The following LAMA2 variants were observed in gnomAD, a reference collection of about 807,000 sequenced individuals.
LAMA2 encodes the protein laminin subunit alpha-2.
A neutral mutation model predicts 364.8 loss-of-function variants in LAMA2; 269 were observed. That is an observed-to-expected ratio of 0.74 (90% confidence interval 0.67 to 0.82). The LOEUF (loss-of-function observed/expected upper bound fraction) is 0.82, where lower values mean the gene tolerates loss of function less well. LAMA2 is among the 40% of genes least tolerant of loss of function. The probability of loss-of-function intolerance (pLI) is 0.00; values close to 1 mark genes in which losing one functional copy is unlikely to be tolerated. For synonymous variants in LAMA2, 1,379 were observed against 1,370.6 expected (o/e 1.01, Z -0.14); for missense variants, 3,807 against 3,873.2 (o/e 0.98, Z 0.45).
intron 1 of LAMA2, among the ~76,000 whole-genome samples, chr6:129,017,687 C>T (rs554628703): frequency 6.6e-6 from 1 of 152,148 alleles, no homozygotes; most frequent in South Asian, 2.1e-4. Context: ...CTGATGATAA[C>T]ATGTGATAGG....
chr6:129,238,556 T>C (rs2115149475), intron 12 of LAMA2, among the ~76,000 whole-genome samples: 1 of 123,482 alleles, frequency 8.1e-6, no homozygotes, highest in South Asian at 2.4e-4. Flanking sequence ...AGCGTGTTCA[T>C]GTGTGTGTGT....
intron 40 of LAMA2, among the ~76,000 whole-genome samples, chr6:129,421,022 G>C (rs1243773095): frequency 1.3e-5 from 2 of 152,054 alleles, no homozygotes; most frequent in East Asian, 1.9e-4. Flanking sequence ...AAGTTTTGTT[G>C]GGTAAATAAA....
intron 12 of LAMA2, among the ~76,000 whole-genome samples, chr6:129,244,071 A>G (rs1267537130): frequency 2.6e-5 from 4 of 152,100 alleles, no homozygotes; most frequent in African/African-American, 9.7e-5. Context: ...TTCTAAACCA[A>G]CTTTTCTAGA....
At chr6:129,221,112 A>G (rs919531739) in intron 12 of LAMA2, among the ~76,000 whole-genome samples, 22 of 151,488 alleles carry the variant, frequency 1.5e-4, no homozygotes, top group African/African-American at 4.8e-4. Context: ...GCAGTGAGCC[A>G]AGATCACACC....
At chr6:129,071,905 A>G (rs1368589366) in intron 3 of LAMA2, among the ~76,000 whole-genome samples, 1 of 152,208 alleles carries the variant, frequency 6.6e-6, no homozygotes, top group East Asian at 1.9e-4. Flanking sequence ...AGGCAGGCGG[A>G]TGGCTTGAGC....
In LAMA2 at chr6:128,998,567, G is replaced by A. The variant is rs1208466164; in HGVS notation, c.113-51351G>A. ...CACCGTGCGCGAGCCGAAGCAGGGC[G>A]AGGCATTGCCTCACCTGGGAAGCGC... On this transcript the variant is annotated intron_variant, in intron 1 of 64. Coordinates refer to ENST00000421865, the MANE Select transcript of LAMA2 (RefSeq NM_000426.4). 6.3e-5 allele frequency among the ~76,000 whole-genome samples: 6 copies of A among 94,724 alleles called. 1 individual carries two copies. The highest frequency in any genetic ancestry group is 4.3e-4 in the East Asian group (2 of 4,696). The allele number at this position is 94,724 out of a possible 152,430, so 62.1% of individuals were successfully genotyped here. A position where few individuals can be genotyped will look rare whatever the true frequency, so the allele number is the denominator to read the frequency against.
chr6:128,942,178 C>T (rs1780201808), intron 1 of LAMA2, among the ~76,000 whole-genome samples: 1 of 152,020 alleles, frequency 6.6e-6, no homozygotes, highest in African/African-American at 2.4e-5. Flanking sequence ...TTTTCATAGC[C>T]ATAACTTTCG....
intron 58 of LAMA2, among the ~76,000 whole-genome samples, chr6:129,499,503 ACAT>A (rs58615942): frequency 0.034 from 5,208 of 152,256 alleles, 194 homozygotes; most frequent in African/African-American, 0.089. Context: ...AGAGTTGAAA[ACAT>A]CATCCTTAGT....
chr6:129,349,876 C>G (rs910017945), intron 31 of LAMA2, among the ~76,000 whole-genome samples: 11 of 151,930 alleles, frequency 7.2e-5, no homozygotes, highest in African/African-American at 2.7e-4. Context: ...AATTAGTACC[C>G]AGACAATAAA....
chr6:129,149,677 G>T (rs1778679673), intron 7 of LAMA2, among the ~76,000 whole-genome samples: 1 of 151,972 alleles, frequency 6.6e-6, no homozygotes. Context: ...CCACCTATAA[G>T]ATATAAAGTC....
intron 51 of LAMA2, among the ~76,000 whole-genome samples, chr6:129,472,113 T>A (rs1783841869): frequency 6.6e-6 from 1 of 151,978 alleles, no homozygotes; most frequent in South Asian, 2.1e-4. Flanking sequence ...TGCTGAAAGA[T>A]CTGGGCAGCT....
intron 61 of LAMA2, 132 bp from the exon 62 acceptor site, chr6:129,507,357 C>T (rs185818735): frequency 4.3e-6 from 4 of 930,302 alleles, no homozygotes; most frequent in East Asian, 2.5e-5. Flanking sequence ...ACCCAGGCAG[C>T]TTTGGGGGAT....
At chr6:129,100,409 A>G (rs1471342956) in intron 4 of LAMA2, among the ~76,000 whole-genome samples, 1 of 152,192 alleles carries the variant, frequency 6.6e-6, no homozygotes. Context: ...AATTCAAAAT[A>G]TTTGCCATAG....
In LAMA2 at chr6:129,366,380, A is replaced by T; in HGVS notation, c.4860+19A>T. 1 of 1,612,826 alleles carries T rather than the reference A, an allele frequency of 6.2e-7. No homozygotes were observed. Among genetic ancestry groups the T allele is most frequent in the Middle Eastern group, 1.8e-4 (1 of 5,540 alleles). On this transcript the variant is annotated intron_variant, in intron 33 of 64. Coordinates refer to ENST00000421865, the MANE Select transcript of LAMA2 (RefSeq NM_000426.4). ...GCTAAAGGTAGGTTGGTGCAGTCAC[A>T]AGCAAGGGCCAGGGACAAGGTGACA...
In LAMA2 at chr6:129,314,757, A is replaced by G. The variant is rs1220813693; in HGVS notation, c.3514A>G (p.Thr1172Ala). ...CAGCAGCTGCTATTGCTTCGGCACT[A>G]CTACCCAGTGCTCTGAAGCAAAAGG... is the stretch of plus-strand genomic sequence containing the variant. ...GCSSCYCFGT[T>A]TQCSEAKGLI... The change falls in exon 24 of 65, where the codon ACT (threonine) becomes GCT (alanine). Residue 1172 changes from threonine (T) to alanine (A), a missense_variant. Thr to Ala is a moderately conservative substitution (Grantham distance 58). This residue lies in a region of LAMA2 where 3,333 missense variants were observed against 3,345.7 expected (regional missense o/e 1.00). Coordinates refer to ENST00000421865, the MANE Select transcript of LAMA2 (RefSeq NM_000426.4). The G allele has an allele frequency of 2.5e-6, 4 of 1,614,030 alleles. No homozygotes were observed. The highest frequency in any genetic ancestry group is 1.7e-5 in the Admixed American group (1 of 60,026).
At chr6:129,475,208 G>A (rs369310845) in intron 52 of LAMA2, among the ~76,000 whole-genome samples, 182 bp from the exon 53 acceptor site, 24 of 151,870 alleles carry the variant, frequency 1.6e-4, no homozygotes, top group African/African-American at 3.6e-4. Context: ...TTTCACTGCC[G>A]TCAAGGGTAT....
intron 28 of LAMA2, among the ~76,000 whole-genome samples, chr6:129,323,705 A>G (rs1042513090): frequency 3.9e-5 from 6 of 152,210 alleles, no homozygotes; most frequent in Non-Finnish European, 7.3e-5. Context: ...GAAAGGTTAT[A>G]TGCAGGTACC....
chr6:129,115,676 T>G (rs564097610), intron 4 of LAMA2, among the ~76,000 whole-genome samples: 13 of 152,176 alleles, frequency 8.5e-5, no homozygotes, highest in African/African-American at 3.1e-4. Context: ...TTTAGTCTGG[T>G]AACAGGTGGT....
At chr6:129,167,044 C>T (rs1779790090) in intron 9 of LAMA2, among the ~76,000 whole-genome samples, 1 of 151,970 alleles carries the variant, frequency 6.6e-6, no homozygotes, top group Non-Finnish European at 1.5e-5. Flanking sequence ...AAAAACAATA[C>T]ATAGTAAAAT....
Sources: allele counts gnomAD v4.1 joint callset (sites outside exome capture counted in the v4.1 genomes callset), GRCh38; gene constraint gnomAD v4.1.1; regional missense constraint gnomAD v4.1.1; transcripts MANE v1.5; gene names NCBI Gene and HGNC (gene_info 2026-07-23, HGNC 2026-07-21).